The following GALNTL6 variants were observed in gnomAD, a reference collection of about 807,000 sequenced individuals.
The protein encoded by GALNTL6 is polypeptide N-acetylgalactosaminyltransferase like 6.
Under a neutral mutation model 73.7 loss-of-function variants are expected in GALNTL6, and 46 were observed. The ratio of observed to expected loss-of-function variants is 0.62; its 90% CI spans 0.49 to 0.80. GALNTL6 has a LOEUF of 0.80. Ranked by LOEUF, GALNTL6 falls within the 30% of genes least tolerant of loss-of-function variation. GALNTL6 has a pLI of 0.00. For synonymous variants in GALNTL6, 259 were observed against 263.7 expected (o/e 0.98, Z 0.17); for missense variants, 604 against 755.0 (o/e 0.80, Z 2.34).
intron 5 of GALNTL6, among the ~76,000 whole-genome samples, chr4:172,746,765 G>A (rs947788357): frequency 1.3e-5 from 2 of 151,990 alleles, no homozygotes; most frequent in African/African-American, 2.4e-5. Context: ...AAATGTGAAG[G>A]CTTTTCCTCT....
intron 2 of GALNTL6, among the ~76,000 whole-genome samples, chr4:172,059,814 C>T (rs559933876): frequency 6.6e-6 from 1 of 152,252 alleles, no homozygotes; most frequent in East Asian, 1.9e-4. Flanking sequence ...ATAAAAAACA[C>T]ATCTGTCATT....
Position 172,097,836 on chromosome 4 carries a change from C to T in GALNTL6, c.139-131820C>T, listed in dbSNP as rs1006784710. On this transcript the variant is annotated intron_variant, in intron 2 of 12. Transcript: ENST00000506823. ...CCAGCCTGCTCCTAGTCCTTCCCAA[C>T]GTCAGTCAGCATGTTTGCTCTTTGA... 3.9e-4 allele frequency among the ~76,000 whole-genome samples: 59 copies of T among 152,228 alleles called. 1 individual carries two copies. Among genetic ancestry groups the T allele is most frequent in the African/African-American group, 1.3e-3 (52 of 41,544 alleles).
chr4:171,889,144 A>G (rs1428884658), intron 2 of GALNTL6, among the ~76,000 whole-genome samples: 2 of 152,062 alleles, frequency 1.3e-5, no homozygotes, highest in Non-Finnish European at 2.9e-5. Context: ...AAGCAACCCA[A>G]GAAACATCAT....
In GALNTL6 at chr4:172,553,177, T is replaced by A. The variant is rs190718956; in HGVS notation, c.553+204488T>A. ...CTGGCCTATACAATTAGAAGTTGAA[T>A]ATGATTCAAACCCAATATTTATGCT... On this transcript the variant is annotated intron_variant, in intron 5 of 12. Coordinates refer to ENST00000506823, the MANE Select transcript of GALNTL6 (RefSeq NM_001034845.3). 3.3e-5 allele frequency among the ~76,000 whole-genome samples: 5 copies of A among 152,296 alleles called. No homozygotes were observed. In the East Asian group the frequency reaches 9.6e-4, roughly 29 times the overall value.
chr4:172,365,677 T>A (rs2111247581), intron 5 of GALNTL6, among the ~76,000 whole-genome samples: 1 of 151,564 alleles, frequency 6.6e-6, no homozygotes, highest in East Asian at 1.9e-4. Flanking sequence ...AATTCGTGAG[T>A]TTATCTCCAA....
intron 5 of GALNTL6, among the ~76,000 whole-genome samples, chr4:172,800,857 TAG>T (rs1740602595): frequency 6.6e-6 from 1 of 152,088 alleles, no homozygotes; most frequent in Non-Finnish European, 1.5e-5. Flanking sequence ...TAAAATAATT[TAG>T]AATTATAGTT....
intron 5 of GALNTL6, among the ~76,000 whole-genome samples, chr4:172,375,564 C>G (rs1171826224): frequency 6.6e-6 from 1 of 152,168 alleles, no homozygotes; most frequent in Non-Finnish European, 1.5e-5. Flanking sequence ...TAGTTGCACT[C>G]ACCAACACAG....
intron 5 of GALNTL6, among the ~76,000 whole-genome samples, chr4:172,474,053 C>T (rs987652178): frequency 6.6e-6 from 1 of 152,142 alleles, no homozygotes; most frequent in Non-Finnish European, 1.5e-5. Context: ...TTTCCCCCAT[C>T]CTTCATTTAC....
chr4:172,493,392 A>T (rs1013352960), intron 5 of GALNTL6, among the ~76,000 whole-genome samples: 1 of 152,202 alleles, frequency 6.6e-6, no homozygotes, highest in South Asian at 2.1e-4. Context: ...AAACTAAAAG[A>T]TATTCACTTT....
intron 9 of GALNTL6, among the ~76,000 whole-genome samples, chr4:172,938,105 A>G (rs1748719111): frequency 6.6e-6 from 1 of 152,198 alleles, no homozygotes; most frequent in Non-Finnish European, 1.5e-5. Flanking sequence ...ACAAAGTTCT[A>G]AGTCTGAGGT....
At chr4:172,547,295 G>T (rs1028250980) in intron 5 of GALNTL6, among the ~76,000 whole-genome samples, 3 of 151,976 alleles carry the variant, frequency 2.0e-5, no homozygotes, top group Non-Finnish European at 4.4e-5. Context: ...TGATAGAATT[G>T]GTTTCAGACC....
chr4:172,436,469 G>A (rs1370786716), intron 5 of GALNTL6, among the ~76,000 whole-genome samples: 1 of 152,090 alleles, frequency 6.6e-6, no homozygotes, highest in South Asian at 2.1e-4. Context: ...GGTAAGTCCC[G>A]ACATCCTACT....
At chr4:171,832,357 A>G (rs1409823813) in intron 2 of GALNTL6, among the ~76,000 whole-genome samples, 5 of 151,448 alleles carry the variant, frequency 3.3e-5, no homozygotes, top group African/African-American at 9.7e-5. Context: ...ACAATTATTT[A>G]TCTCATGAAT....
intron 5 of GALNTL6, among the ~76,000 whole-genome samples, chr4:172,526,821 G>C (rs1381202003): frequency 6.6e-6 from 1 of 151,892 alleles, no homozygotes; most frequent in African/African-American, 2.4e-5. Context: ...TTCCACCCAA[G>C]AAAATCTCCC....
intron 2 of GALNTL6, among the ~76,000 whole-genome samples, chr4:172,096,574 A>G (rs903567889): frequency 5.4e-5 from 8 of 149,024 alleles, no homozygotes; most frequent in African/African-American, 9.8e-5. Context: ...ATTTTTGTTT[A>G]TCTTATTTTA....
intron 2 of GALNTL6, among the ~76,000 whole-genome samples, chr4:171,960,601 A>C (rs956101607): frequency 3.3e-5 from 5 of 151,682 alleles, no homozygotes; most frequent in Non-Finnish European, 7.4e-5. Context: ...TCAATGAGCA[A>C]TTTAAGTAAA....
intron 7 of GALNTL6, among the ~76,000 whole-genome samples, chr4:172,882,488 G>A (rs1745507512): frequency 6.6e-6 from 1 of 152,176 alleles, no homozygotes; most frequent in African/African-American, 2.4e-5. Flanking sequence ...TATTACTCAT[G>A]TAGTAATATT....
intron 8 of GALNTL6, among the ~76,000 whole-genome samples, chr4:172,888,966 G>C (rs1416131979): frequency 6.6e-6 from 1 of 151,818 alleles, no homozygotes; most frequent in Non-Finnish European, 1.5e-5. Flanking sequence ...TTCTTGTAGA[G>C]ATTTTTTACA....
At chr4:172,653,724 A>G (rs1740606778) in intron 5 of GALNTL6, among the ~76,000 whole-genome samples, 1 of 152,220 alleles carries the variant, frequency 6.6e-6, no homozygotes, top group South Asian at 2.1e-4. Flanking sequence ...CCTGAATAAA[A>G]CATATAGATA....
Sources: gnomAD v4.1 joint callset for allele counts (sites outside exome capture counted in the v4.1 genomes callset) on GRCh38, gnomAD v4.1.1 for gene constraint, MANE v1.5 for transcripts, NCBI Gene and HGNC (gene_info 2026-07-23, HGNC 2026-07-21) for gene names.